Variants in HPSE2 observed in about 807,000 individuals in gnomAD.
The protein encoded by HPSE2 is heparanase 2 (inactive).
A neutral mutation model predicts 60.5 loss-of-function variants in HPSE2; 38 were observed. The ratio of observed to expected loss-of-function variants is 0.63; its 90% confidence interval spans 0.48 to 0.82. The LOEUF (loss-of-function observed/expected upper bound fraction) is 0.82, where lower values mean the gene tolerates loss of function less well. Ranked by LOEUF, HPSE2 falls within the 40% of genes least tolerant of loss-of-function variation. The probability of loss-of-function intolerance (pLI) is 0.00; values close to 1 mark genes in which losing one functional copy is unlikely to be tolerated. For missense variants in HPSE2, 713 were observed against 740.4 expected (o/e 0.96, Z 0.43); for synonymous variants, 295 against 293.2 (o/e 1.01, Z -0.06).
At chr10:98,562,077 A>G (rs2133876469) in intron 9 of HPSE2, among the ~76,000 whole-genome samples, 1 of 50,620 alleles carries the variant, frequency 2.0e-5, no homozygotes, top group South Asian at 1.4e-3. Flanking sequence ...TTAATCTTTT[A>G]TACCATATTT....
Position 98,641,880 on chromosome 10 carries a change from G to A in HPSE2, c.1065C>T (p.Asp355=), listed in dbSNP as rs1946647668. The stretch of plus-strand genomic sequence containing the variant: ...TTTTCCTAATCTGGTCAGAGAGTGT[G>A]TCTAACAGGCGAGTTTTCAGGAAGT... ...VMDFLKTRLL[D]TLSDQIRKIQ... is the part of the protein sequence containing the mutation. The change falls in exon 7 of 12, where the codon GAC becomes GAT. Residue 355 remains aspartate, a synonymous_variant. Transcript: ENST00000370552. 1 of 1,613,770 alleles carries A rather than the reference G, an allele frequency of 6.2e-7. No homozygotes were observed. The highest frequency in any genetic ancestry group is 8.5e-7 in the Non-Finnish European group (1 of 1,179,862).
chr10:98,664,634 GCTCT>G (rs1413061271), intron 6 of HPSE2, among the ~76,000 whole-genome samples: 2 of 152,114 alleles, frequency 1.3e-5, no homozygotes, highest in Non-Finnish European at 2.9e-5. Flanking sequence ...ATCGGCCATC[GCTCT>G]CAGGCGCCAT....
intron 11 of HPSE2, among the ~76,000 whole-genome samples, chr10:98,467,325 A>C (rs1940578716): frequency 6.6e-6 from 1 of 152,186 alleles, no homozygotes; most frequent in Non-Finnish European, 1.5e-5. Context: ...GACACATTGG[A>C]TATAAACACG....
In HPSE2 at chr10:99,232,076, C is replaced by T. The variant is rs187693328; in HGVS notation, c.448+272G>A. Among the ~76,000 whole-genome samples the T allele has an allele frequency of 4.6e-5, 7 of 152,276 alleles. No homozygotes were observed. The East Asian group carries it at 1.4e-3, about 29-fold the overall frequency. ...CAAAAGGCCGGCAGCTGGGTGAGAA[C>T]AACCTGGAGAACCCCCTTTGCGCAA... is the stretch of plus-strand genomic sequence containing the variant. On this transcript the variant is annotated intron_variant, in intron 2 of 11. Transcript: ENST00000370552.
chr10:98,987,825 T>C (rs989095840), intron 3 of HPSE2, among the ~76,000 whole-genome samples: 35 of 151,946 alleles, frequency 2.3e-4, no homozygotes, highest in South Asian at 6.3e-4. Flanking sequence ...TGTGCAAAAA[T>C]CACAAGCATT....
the HPSE2 span, among the ~76,000 whole-genome samples, chr10:99,271,041 G>A: frequency 6.6e-6 from 1 of 152,112 alleles, no homozygotes; most frequent in African/African-American, 2.4e-5. Context: ...ACCGAATGGG[G>A]AAAAGCAGAA....
chr10:98,632,743 G>T (rs1203598373), intron 7 of HPSE2, among the ~76,000 whole-genome samples: 1 of 152,026 alleles, frequency 6.6e-6, no homozygotes, highest in Non-Finnish European at 1.5e-5. Context: ...TGTTCATATG[G>T]TCAAATATTT....
chr10:99,073,417 T>C (rs757965745), intron 3 of HPSE2, among the ~76,000 whole-genome samples: 1 of 151,434 alleles, frequency 6.6e-6, no homozygotes, highest in East Asian at 1.9e-4. Context: ...CAGGTGGGAG[T>C]TGAACAATGA....
At chr10:98,628,252 A>G (rs1946270422) in intron 7 of HPSE2, among the ~76,000 whole-genome samples, 1 of 152,154 alleles carries the variant, frequency 6.6e-6, no homozygotes, top group Non-Finnish European at 1.5e-5. Context: ...ACAGACACTG[A>G]AGCTGGGTGC....
intron 11 of HPSE2, among the ~76,000 whole-genome samples, chr10:98,477,230 G>A (rs1456648105): frequency 2.0e-5 from 3 of 152,144 alleles, no homozygotes; most frequent in Non-Finnish European, 4.4e-5. Context: ...TGAGATAATG[G>A]CTATTAAAGT....
chr10:99,295,599 A>G, the HPSE2 span, among the ~76,000 whole-genome samples: 1 of 152,202 alleles, frequency 6.6e-6, no homozygotes, highest in East Asian at 1.9e-4. Flanking sequence ...ACTTTTTTAT[A>G]CAAGAGGCAA....
chr10:99,071,794 T>C (rs1842798667), intron 3 of HPSE2, among the ~76,000 whole-genome samples: 2 of 152,224 alleles, frequency 1.3e-5, no homozygotes, highest in Non-Finnish European at 2.9e-5. Context: ...GAATATCCAG[T>C]TTTCCCAACA....
At chr10:99,246,079 G>A in the HPSE2 span, among the ~76,000 whole-genome samples, 1 of 152,148 alleles carries the variant, frequency 6.6e-6, no homozygotes, top group East Asian at 1.9e-4. Context: ...ATTTTACAAG[G>A]ATACAAAAAC....
At chr10:98,677,152 A>C (rs1309720061) in intron 6 of HPSE2, among the ~76,000 whole-genome samples, 3 of 152,200 alleles carry the variant, frequency 2.0e-5, no homozygotes, top group Non-Finnish European at 4.4e-5. Flanking sequence ...TAGAGGGAGA[A>C]ACTCCTTGCT....
chr10:99,030,360 A>T (rs543329889), intron 3 of HPSE2, among the ~76,000 whole-genome samples: 3 of 152,362 alleles, frequency 2.0e-5, no homozygotes, highest in Admixed American at 2.0e-4. Flanking sequence ...TCTGAAAAGA[A>T]GATATACAAA....
intron 9 of HPSE2, among the ~76,000 whole-genome samples, chr10:98,569,184 C>T (rs994073565): frequency 6.6e-6 from 1 of 151,856 alleles, no homozygotes; most frequent in African/African-American, 2.4e-5. Flanking sequence ...CAGCCTCAGC[C>T]TCCTGAGTAG....
chr10:98,626,074 C>T (rs1946200773), intron 7 of HPSE2, among the ~76,000 whole-genome samples: 1 of 148,622 alleles, frequency 6.7e-6, no homozygotes, highest in Non-Finnish European at 1.5e-5. Flanking sequence ...CCACTACACT[C>T]CAGCCTGGGC....
chr10:98,912,452 A>C (rs1954005961), intron 3 of HPSE2, among the ~76,000 whole-genome samples: 1 of 152,248 alleles, frequency 6.6e-6, no homozygotes, highest in Non-Finnish European at 1.5e-5. Context: ...GCATATACCC[A>C]AAAGAAAGGA....
chr10:98,768,328 TCCGGAGAGAAGGG>T (rs950437337), intron 3 of HPSE2, among the ~76,000 whole-genome samples: 1 of 152,142 alleles, frequency 6.6e-6, no homozygotes, highest in Non-Finnish European at 1.5e-5. Flanking sequence ...AAAGTTTGTC[TCCGGAGAGAAGGG>T]CTGGGATAGG....
Sources: gnomAD v4.1 joint callset for allele counts (sites outside exome capture counted in the v4.1 genomes callset) on GRCh38, gnomAD v4.1.1 for gene constraint, MANE v1.5 for transcripts, NCBI Gene and HGNC (gene_info 2026-07-23, HGNC 2026-07-21) for gene names.